INO80D: variants seen among roughly 807,000 people sequenced by gnomAD.
INO80D encodes the protein INO80 complex subunit D.
In INO80D, 21 loss-of-function variants were observed where a neutral mutation model predicts 87.6. That is an observed-to-expected ratio of 0.24 (90% CI 0.17 to 0.35). The LOEUF is 0.35. Ranked by LOEUF, INO80D falls within the 10% of genes least tolerant of loss-of-function variation. The pLI is 1.00. For missense variants in INO80D, 982 were observed against 1,280.7 expected, an observed-to-expected ratio of 0.77 and a Z score of 3.56; for synonymous variants, 440 against 491.0, an observed-to-expected ratio of 0.90 and a Z score of 1.37.
chr2:206,048,422 C>T (rs754389878), intron 4 of INO80D, among the ~76,000 whole-genome samples: 137 of 151,930 alleles, frequency 9.0e-4, no homozygotes, highest in Admixed American at 1.8e-3. Flanking sequence ...TTGTAGAGAC[C>T]GGGTTTTGCC....
chr2:206,044,409 T>G (rs1249912712), intron 5 of INO80D, among the ~76,000 whole-genome samples: 2 of 143,968 alleles, frequency 1.4e-5, no homozygotes, highest in East Asian at 4.1e-4. Flanking sequence ...AATGAATGAC[T>G]GAGTGAAGGA....
chr2:206,050,867 G>C (rs1689342887), intron 4 of INO80D, among the ~76,000 whole-genome samples: 1 of 151,940 alleles, frequency 6.6e-6, no homozygotes, highest in Admixed American at 6.6e-5. Flanking sequence ...TACTCGGCAG[G>C]CTGAAGCAGG....
chr2:206,033,032 T>C (rs1281665842), intron 5 of INO80D, among the ~76,000 whole-genome samples: 1 of 152,208 alleles, frequency 6.6e-6, no homozygotes, highest in African/African-American at 2.4e-5. Context: ...ACTTAAAAGA[T>C]ACAGAACCAC....
At chr2:206,069,597 G>C (rs1002772484) in intron 1 of INO80D, among the ~76,000 whole-genome samples, 2 of 152,016 alleles carry the variant, frequency 1.3e-5, no homozygotes, top group Non-Finnish European at 2.9e-5. Flanking sequence ...ATGTGGGGTT[G>C]GTACCTATAC....
intron 1 of INO80D, among the ~76,000 whole-genome samples, chr2:206,080,977 AGTTATGCACCAAGAAAAT>A (rs1321912993): frequency 6.6e-6 from 1 of 151,892 alleles, no homozygotes; most frequent in East Asian, 1.9e-4. Context: ...CACCAGAAAA[AGTTATGCACCAAGAAAAT>A]ATAAAGGTTA....
chr2:206,024,451 T>C (rs1205845917), intron 6 of INO80D, among the ~76,000 whole-genome samples: 2 of 151,752 alleles, frequency 1.3e-5, no homozygotes, highest in Admixed American at 6.6e-5. Context: ...AGATACTAGA[T>C]CCAGAGGACT....
chr2:206,081,543 A>G (rs1208393867), intron 1 of INO80D, among the ~76,000 whole-genome samples: 1 of 152,142 alleles, frequency 6.6e-6, no homozygotes, highest in Non-Finnish European at 1.5e-5. Flanking sequence ...CCTTGCATCC[A>G]GGAGTTTGAG....
intron 1 of INO80D, among the ~76,000 whole-genome samples, chr2:206,083,400 G>T (rs4675587): frequency 0.3 from 45,795 of 151,822 alleles, 7,572 homozygotes; most frequent in African/African-American, 0.45. Flanking sequence ...CTAAAAATAA[G>T]GACAAACTAT....
chr2:205,999,147 A>T lies in INO80D; in HGVS notation c.*5221T>A, dbSNP rs1266788653. ...TTTTTCCAAGGGGAACTTTGGGTGC[A>T]TACAGAGCTTACTTCAGTGGTCCCC... On this transcript the variant is annotated 3_prime_UTR_variant, in exon 11 of 11. Coordinates refer to ENST00000403263, the MANE Select transcript of INO80D (RefSeq NM_017759.5). The T allele has an allele frequency of 6.6e-6, 1 of 152,296 alleles. No homozygotes were observed. The highest frequency in any genetic ancestry group is 6.5e-5 in the Admixed American group (1 of 15,270). 9.4% of individuals were successfully genotyped at this position (152,296 alleles called of 1,614,324 possible). A position where few individuals can be genotyped will look rare whatever the true frequency, so the allele number is the denominator to read the frequency against.
At chr2:206,025,625 T>C (rs1226725297) in intron 6 of INO80D, 1 of 148,846 alleles carries the variant, frequency 6.7e-6, no homozygotes, top group Non-Finnish European at 1.5e-5. Context: ...TTACAAGTAA[T>C]TTATCACAAC....
At chr2:206,036,348 T>A (rs1430274794) in intron 5 of INO80D, among the ~76,000 whole-genome samples, 1 of 152,128 alleles carries the variant, frequency 6.6e-6, no homozygotes, top group Non-Finnish European at 1.5e-5. Context: ...CAAATGCCCA[T>A]CAGTCAACGA....
chr2:206,046,469 A>AT, intron 5 of INO80D, 35 bp downstream of exon 5: 1 of 1,449,560 alleles, frequency 6.9e-7, no homozygotes, highest in East Asian at 2.3e-5. Flanking sequence ...CTCCGTCTCA[A>AT]AAAAAAAAGA....
chr2:206,057,066 G>C, intron 3 of INO80D, 123 bp from the exon 4 acceptor site: 1 of 929,820 alleles, frequency 1.1e-6, no homozygotes, highest in Non-Finnish European at 1.6e-6. Flanking sequence ...TTGGCAGCCA[G>C]CAACTTAACA....
At chr2:206,070,046 T>C (rs1240129549) in intron 1 of INO80D, among the ~76,000 whole-genome samples, 2 of 150,696 alleles carry the variant, frequency 1.3e-5, no homozygotes, top group African/African-American at 2.4e-5. Flanking sequence ...GGCTGAGGCG[T>C]GTAGGCTGCT....
rs1687757822 is a variant in INO80D at position 205,993,775 on chromosome 2, T to G, written c.*10593A>C. On this transcript the variant is annotated 3_prime_UTR_variant, in exon 11 of 11. Transcript: ENST00000403263. The stretch of plus-strand genomic sequence containing the variant: ...CAAAAGAAAGAAAGAAAAATGATTT[T>G]GTCACACTATATACAGATAATACAT... 1 of 152,190 alleles carries G rather than the reference T, an allele frequency of 6.6e-6. No individual in the cohort carries two copies. Among genetic ancestry groups the G allele is most frequent in the African/African-American group, 2.4e-5 (1 of 41,444 alleles). 9.4% of individuals were successfully genotyped at this position (152,190 alleles called of 1,614,324 possible). A position where few individuals can be genotyped will look rare whatever the true frequency, so the allele number is the denominator to read the frequency against.
chr2:206,012,447 G>T (rs1688202782), intron 8 of INO80D, among the ~76,000 whole-genome samples: 1 of 152,186 alleles, frequency 6.6e-6, no homozygotes, highest in Non-Finnish European at 1.5e-5. Flanking sequence ...CCCTATGGCA[G>T]GGGGATATGG....
chr2:206,076,546 G>A (rs547267520), intron 1 of INO80D, among the ~76,000 whole-genome samples: 20 of 152,312 alleles, frequency 1.3e-4, no homozygotes, highest in African/African-American at 3.8e-4. Context: ...AAGAAGCAGT[G>A]AGAAAACTGC....
At chr2:206,084,617 G>C (rs116906152) in intron 1 of INO80D, 3 of 152,270 alleles carry the variant, frequency 2.0e-5, no homozygotes, top group Non-Finnish European at 4.4e-5. Flanking sequence ...CTACATCTGG[G>C]GACTGCTCCA....
At chr2:206,026,690 G>A (rs964221750) in intron 6 of INO80D, among the ~76,000 whole-genome samples, 1 of 149,222 alleles carries the variant, frequency 6.7e-6, no homozygotes, top group African/African-American at 2.4e-5. Context: ...ATATATAACA[G>A]AATTCCATAA....
Sources: gnomAD v4.1 joint callset for allele counts (sites outside exome capture counted in the v4.1 genomes callset) on GRCh38, gnomAD v4.1.1 for gene constraint, MANE v1.5 for transcripts, NCBI Gene and HGNC (gene_info 2026-07-23, HGNC 2026-07-21) for gene names.